Variants in ZSWIM6 observed in about 807,000 individuals in gnomAD.
ZSWIM6 encodes the protein zinc finger SWIM domain-containing protein 6.
In ZSWIM6, 9 loss-of-function variants were observed where a neutral mutation model predicts 113.2. The observed-to-expected ratio is 0.08, with a 90% CI of 0.05 to 0.14. The LOEUF (loss-of-function observed/expected upper bound fraction) is 0.14. Ranked by LOEUF, ZSWIM6 falls within the 10% of genes least tolerant of loss-of-function variation. The pLI, the probability that ZSWIM6 is intolerant of heterozygous loss-of-function variation, is 1.00. For missense variants in ZSWIM6, 1,162 were observed against 1,552.2 expected (o/e 0.75, Z 4.22); for synonymous variants, 611 against 606.5 (o/e 1.01, Z -0.11).
chr5:61,486,152 C>T (rs1175851966), intron 2 of ZSWIM6, among the ~76,000 whole-genome samples: 1 of 152,142 alleles, frequency 6.6e-6, no homozygotes, highest in African/African-American at 2.4e-5. Context: ...TATCATTCCA[C>T]ACACTCCATG....
At chr5:61,396,896 A>G (rs1035468814) in intron 1 of ZSWIM6, among the ~76,000 whole-genome samples, 4 of 152,168 alleles carry the variant, frequency 2.6e-5, no homozygotes, top group African/African-American at 9.7e-5. Context: ...GTTGAAGTGG[A>G]CATAGTTATT....
At chr5:61,387,466 C>A (rs1745613217) in intron 1 of ZSWIM6, among the ~76,000 whole-genome samples, 1 of 152,136 alleles carries the variant, frequency 6.6e-6, no homozygotes, top group Non-Finnish European at 1.5e-5. Context: ...GAGTTTGAGA[C>A]CAGCCTGGGC....
At chr5:61,475,198 C>G (rs936463188) in intron 2 of ZSWIM6, among the ~76,000 whole-genome samples, 1 of 152,182 alleles carries the variant, frequency 6.6e-6, no homozygotes, top group African/African-American at 2.4e-5. Flanking sequence ...TATGCATTCT[C>G]TCTTTTCCCT....
At chr5:61,499,434 G>C (rs377326233) in intron 4 of ZSWIM6, among the ~76,000 whole-genome samples, 2 of 152,240 alleles carry the variant, frequency 1.3e-5, no homozygotes, top group African/African-American at 4.8e-5. Flanking sequence ...TTTTGGGGTA[G>C]GTGATAGTAC....
In ZSWIM6 at chr5:61,390,966, G is replaced by A. The variant is rs540993206; in HGVS notation, c.676+58018G>A. 44 of 760,020 alleles carry A rather than the reference G, an allele frequency of 5.8e-5. No individual in the cohort carries two copies. The African/African-American group carries it at 7.1e-4, about 12-fold the overall frequency. 47.1% of individuals were successfully genotyped at this position (760,020 alleles called of 1,614,324 possible). On this transcript the variant is annotated intron_variant, in intron 1 of 13. Coordinates refer to ENST00000252744, the MANE Select transcript of ZSWIM6 (RefSeq NM_020928.2). ...TGTCAGACAGGTCATAGTCAGTGGA[G>A]GCATTGTTCTTGATCAGTTTGCTGT...
chr5:61,479,140 C>CA (rs1159518182), intron 2 of ZSWIM6, among the ~76,000 whole-genome samples: 1 of 150,746 alleles, frequency 6.6e-6, no homozygotes, highest in East Asian at 1.9e-4. Context: ...CACTGCACTC[C>CA]AGCCTGGGTG....
rs1380227250 is a variant in ZSWIM6 at position 61,403,567 on chromosome 5, A to G, written c.677-69114A>G. Among the ~76,000 whole-genome samples, 3 of 152,206 alleles carry G rather than the reference A, an allele frequency of 2.0e-5. 1 individual carries two copies. Among genetic ancestry groups the G allele is most frequent in the South Asian group, 4.1e-4 (2 of 4,828 alleles). ...ATTTCTCGCATGGGTGCCTCATCAC[A>G]TGGAGGCCAGGGAAGAAGGAGCCTG... On this transcript the variant is annotated intron_variant, in intron 1 of 13. Coordinates refer to ENST00000252744, the MANE Select transcript of ZSWIM6 (RefSeq NM_020928.2).
chr5:61,496,171 C>T (rs1748310023), intron 4 of ZSWIM6, among the ~76,000 whole-genome samples: 1 of 152,084 alleles, frequency 6.6e-6, no homozygotes, highest in South Asian at 2.1e-4. Context: ...GGACTACTTT[C>T]TAATTAAGGA....
intron 2 of ZSWIM6, among the ~76,000 whole-genome samples, chr5:61,482,304 C>T (rs1747889498): frequency 6.6e-6 from 1 of 151,848 alleles, no homozygotes; most frequent in Non-Finnish European, 1.5e-5. Context: ...ACAATGAGAA[C>T]ACATGGACAC....
At chr5:61,377,738 G>T (rs1325762916) in intron 1 of ZSWIM6, among the ~76,000 whole-genome samples, 1 of 149,606 alleles carries the variant, frequency 6.7e-6, no homozygotes, top group Non-Finnish European at 1.5e-5. Context: ...ACCCCACAAA[G>T]TCAAAAGACA....
At chr5:61,464,301 G>C (rs1158123130) in intron 1 of ZSWIM6, among the ~76,000 whole-genome samples, 1 of 151,102 alleles carries the variant, frequency 6.6e-6, no homozygotes, top group Admixed American at 6.6e-5. Context: ...GATTACAGGC[G>C]TGAGCCACCA....
intron 1 of ZSWIM6, among the ~76,000 whole-genome samples, chr5:61,340,015 C>G (rs1561197994): frequency 6.6e-6 from 1 of 152,150 alleles, no homozygotes; most frequent in African/African-American, 2.4e-5. Context: ...ACCCAGATCT[C>G]AAAAGTAAAG....
At chr5:61,440,927 G>A (rs1312927650) in intron 1 of ZSWIM6, among the ~76,000 whole-genome samples, 3 of 152,154 alleles carry the variant, frequency 2.0e-5, no homozygotes, top group African/African-American at 4.8e-5. Flanking sequence ...CTATAATAGC[G>A]ATCTGCAGAA....
chr5:61,453,997 C>T (rs938726441), intron 1 of ZSWIM6, among the ~76,000 whole-genome samples: 8 of 152,052 alleles, frequency 5.3e-5, no homozygotes, highest in Admixed American at 4.6e-4. Flanking sequence ...AGTTTTATTT[C>T]CCTCATTCCT....
intron 1 of ZSWIM6, among the ~76,000 whole-genome samples, chr5:61,461,390 C>G (rs1747320823): frequency 6.6e-6 from 1 of 152,314 alleles, no homozygotes; most frequent in South Asian, 2.1e-4. Context: ...AAAGAGGGAA[C>G]AAGAAATAGA....
At chr5:61,502,664 C>A (rs541063840) in intron 4 of ZSWIM6, among the ~76,000 whole-genome samples, 3 of 152,174 alleles carry the variant, frequency 2.0e-5, no homozygotes, top group Non-Finnish European at 4.4e-5. Flanking sequence ...AGTATCAGTC[C>A]GTGGCCTGTT....
At chr5:61,341,522 G>T (rs1326982134) in intron 1 of ZSWIM6, among the ~76,000 whole-genome samples, 1 of 152,102 alleles carries the variant, frequency 6.6e-6, no homozygotes, top group Non-Finnish European at 1.5e-5. Context: ...TTTGTAATAT[G>T]TCATTTTGAT....
At chr5:61,399,425 CTCTG>C (rs1745903957) in intron 1 of ZSWIM6, among the ~76,000 whole-genome samples, 1 of 152,104 alleles carries the variant, frequency 6.6e-6, no homozygotes, top group African/African-American at 2.4e-5. Context: ...CAGATTCCAT[CTCTG>C]TCTTTTGACT....
At chr5:61,392,220 C>G (rs1187427970) in intron 1 of ZSWIM6, among the ~76,000 whole-genome samples, 3 of 152,104 alleles carry the variant, frequency 2.0e-5, no homozygotes, top group Non-Finnish European at 4.4e-5. Context: ...GCTGATTTCT[C>G]TAGTAGTATT....
Sources: allele counts gnomAD v4.1 joint callset (sites outside exome capture counted in the v4.1 genomes callset), GRCh38; gene constraint gnomAD v4.1.1; transcripts MANE v1.5; gene names NCBI Gene and HGNC (gene_info 2026-07-23, HGNC 2026-07-21).